SLC4A4: variants seen among roughly 807,000 people sequenced by gnomAD.
SLC4A4 encodes solute carrier family 4 member 4, also known as electrogenic sodium bicarbonate cotransporter 1.
A neutral mutation model predicts 111.5 loss-of-function variants in SLC4A4; 27 were observed. That is an observed-to-expected ratio of 0.24 (90% confidence interval 0.18 to 0.33). The LOEUF (loss-of-function observed/expected upper bound fraction) is 0.33, where lower values mean the gene tolerates loss of function less well. SLC4A4 is among the 10% of genes least tolerant of loss of function. The pLI is 1.00. For missense variants in SLC4A4, 909 were observed against 1,315.5 expected (o/e 0.69, Z 4.78); for synonymous variants, 443 against 463.4 (o/e 0.96, Z 0.57).
At chr4:71,148,860 C>A (rs1029504717) in intron 2 of SLC4A4, among the ~76,000 whole-genome samples, 1 of 152,142 alleles carries the variant, frequency 6.6e-6, no homozygotes, top group Admixed American at 6.6e-5. Flanking sequence ...ATATGCATGC[C>A]TGTGTCTTTA....
chr4:71,458,525 A>C (rs1726504055), intron 12 of SLC4A4, among the ~76,000 whole-genome samples: 1 of 152,048 alleles, frequency 6.6e-6, no homozygotes, highest in Admixed American at 6.6e-5. Flanking sequence ...GAATACAGTA[A>C]GATTTTTAGA....
chr4:71,555,419 T>A (rs1487642418), intron 21 of SLC4A4, among the ~76,000 whole-genome samples: 1 of 151,980 alleles, frequency 6.6e-6, no homozygotes. Context: ...ACATACCCAT[T>A]GTTTAAATAG....
At chr4:71,254,752 C>T (rs1721318921) in intron 2 of SLC4A4, among the ~76,000 whole-genome samples, 1 of 152,018 alleles carries the variant, frequency 6.6e-6, no homozygotes, top group Non-Finnish European at 1.5e-5. Context: ...GCTCCTTTTC[C>T]AGCAGGCACT....
chr4:71,174,439 G>A (rs1377425142), intron 2 of SLC4A4, among the ~76,000 whole-genome samples: 1 of 151,938 alleles, frequency 6.6e-6, no homozygotes, highest in East Asian at 1.9e-4. Flanking sequence ...GTAGAGACAA[G>A]GTTTCAGGAT....
rs1240568641 is a variant in SLC4A4, at chr4:71,570,374, A to T, written c.*2623A>T. The T allele has an allele frequency of 6.6e-6, 1 of 152,240 alleles. No homozygotes were observed. Among genetic ancestry groups the T allele is most frequent in the Admixed American group, 6.6e-5 (1 of 15,204 alleles). 9.4% of individuals were successfully genotyped at this position (152,240 alleles called of 1,614,324 possible). ...TATCAAATCCTTTCAATATTCTGGG[A>T]ACCCAGGGAAGTTTTTAAAAATGTC... On this transcript the variant is annotated 3_prime_UTR_variant, in exon 26 of 26. Coordinates refer to ENST00000264485, the MANE Select transcript of SLC4A4 (RefSeq NM_001098484.3).
At chr4:71,479,356 G>C (rs895472054) in intron 14 of SLC4A4, among the ~76,000 whole-genome samples, 11 of 151,686 alleles carry the variant, frequency 7.3e-5, no homozygotes, top group Admixed American at 3.3e-4. Context: ...GAGGCTTCTA[G>C]ATGCTCTAAA....
intron 2 of SLC4A4, among the ~76,000 whole-genome samples, chr4:71,103,410 A>T (rs1258891463): frequency 6.6e-6 from 1 of 152,220 alleles, no homozygotes; most frequent in Non-Finnish European, 1.5e-5. Flanking sequence ...TCAGCTCTGC[A>T]CCAAGCAGAC....
intron 3 of SLC4A4, among the ~76,000 whole-genome samples, chr4:71,303,774 C>T (rs980753330): frequency 7.9e-5 from 12 of 152,004 alleles, no homozygotes; most frequent in African/African-American, 2.9e-4. Flanking sequence ...CTTCCCCTCC[C>T]TCCCTTTTTT....
At chr4:71,278,189 A>C (rs1229209461) in intron 3 of SLC4A4, among the ~76,000 whole-genome samples, 3 of 151,926 alleles carry the variant, frequency 2.0e-5, no homozygotes, top group Non-Finnish European at 4.4e-5. Flanking sequence ...AAAGTGAGTT[A>C]TACAGTCTTT....
intron 3 of SLC4A4, among the ~76,000 whole-genome samples, chr4:71,325,243 TA>T (rs899330975): frequency 5.3e-5 from 8 of 150,346 alleles, no homozygotes; most frequent in Middle Eastern, 3.4e-3. Flanking sequence ...TGGATTCCAT[TA>T]AAAAAAAAGG....
rs886059617 is a variant in SLC4A4, at chr4:71,571,463, T to C, written c.*3712T>C. On this transcript the variant is annotated 3_prime_UTR_variant, in exon 26 of 26. Coordinates refer to ENST00000264485, the MANE Select transcript of SLC4A4 (RefSeq NM_001098484.3). The stretch of plus-strand genomic sequence containing the variant: ...TTTCAGATGATTTCATTGAGCTTCA[T>C]TGCAGCCTGAAATTTTAAAAAAGTT... The C allele has an allele frequency of 6.6e-6, 1 of 152,196 alleles. No individual in the cohort carries two copies. Among genetic ancestry groups the C allele is most frequent in the Non-Finnish European group, 1.5e-5 (1 of 67,882 alleles). 9.4% of individuals were successfully genotyped at this position (152,196 alleles called of 1,614,324 possible).
upstream of SLC4A4, among the ~76,000 whole-genome samples, chr4:71,183,794 C>A (rs1381373905): frequency 6.6e-6 from 1 of 152,172 alleles, no homozygotes; most frequent in Non-Finnish European, 1.5e-5. Flanking sequence ...GTTGGTCAGA[C>A]TTTCGCCAAT....
At chr4:71,333,022 CT>C (rs1427768680) in intron 3 of SLC4A4, among the ~76,000 whole-genome samples, 3 of 151,992 alleles carry the variant, frequency 2.0e-5, no homozygotes, top group African/African-American at 7.3e-5. Context: ...TCATTGGTAC[CT>C]TATTTGGTTT....
At chr4:71,444,362 G>A (rs1222925391) in intron 8 of SLC4A4, among the ~76,000 whole-genome samples, 4 of 152,040 alleles carry the variant, frequency 2.6e-5, no homozygotes, top group Admixed American at 2.6e-4. Flanking sequence ...AGTAGAAAAG[G>A]GCCTCATGAA....
intron 3 of SLC4A4, among the ~76,000 whole-genome samples, chr4:71,291,086 G>C (rs1337209537): frequency 2.6e-5 from 4 of 152,184 alleles, no homozygotes; most frequent in African/African-American, 9.7e-5. Context: ...AAAGAACAGA[G>C]CCATTTTGTA....
intron 2 of SLC4A4, among the ~76,000 whole-genome samples, chr4:71,114,171 G>A (rs566611175): frequency 6.6e-6 from 1 of 152,254 alleles, no homozygotes; most frequent in East Asian, 1.9e-4. Flanking sequence ...GCATGAACCG[G>A]GGAGGCAGAG....
At chr4:71,545,837 G>A (rs1210245732) in intron 18 of SLC4A4, among the ~76,000 whole-genome samples, 1 of 152,020 alleles carries the variant, frequency 6.6e-6, no homozygotes, top group Non-Finnish European at 1.5e-5. Flanking sequence ...GTCCAGTAGA[G>A]AAGGCAGGGT....
At chr4:71,274,694 C>T (rs1240566433) in intron 3 of SLC4A4, among the ~76,000 whole-genome samples, 5 of 152,098 alleles carry the variant, frequency 3.3e-5, no homozygotes, top group Non-Finnish European at 7.4e-5. Flanking sequence ...GGAGTTCTAG[C>T]CTAGCTGTGC....
intron 3 of SLC4A4, among the ~76,000 whole-genome samples, chr4:71,316,516 T>C (rs1726696278): frequency 6.6e-6 from 1 of 152,120 alleles, no homozygotes; most frequent in African/African-American, 2.4e-5. Context: ...AATTCACATG[T>C]GGTTTTTGAA....
Sources: gnomAD v4.1 joint callset for allele counts (sites outside exome capture counted in the v4.1 genomes callset) on GRCh38, gnomAD v4.1.1 for gene constraint, MANE v1.5 for transcripts, NCBI Gene and HGNC (gene_info 2026-07-23, HGNC 2026-07-21) for gene names.